Variants in SLC39A9 observed in about 807,000 individuals in gnomAD.
The protein encoded by SLC39A9 is solute carrier family 39 member 9.
Under a neutral mutation model 28.4 loss-of-function variants are expected in SLC39A9, and 14 were observed. That is an observed-to-expected ratio of 0.49 (90% CI 0.33 to 0.77). The LOEUF (loss-of-function observed/expected upper bound fraction) is 0.77. Ranked by LOEUF, SLC39A9 falls within the 30% of genes least tolerant of loss-of-function variation. SLC39A9 has a pLI of 0.02. For synonymous variants in SLC39A9, 119 were observed against 149.6 expected, an observed-to-expected ratio of 0.80 and a Z score of 1.49; for missense variants, 283 against 381.1, an observed-to-expected ratio of 0.74 and a Z score of 2.14.
chr14:69,399,998 C>G (rs1275328799), intron 1 of SLC39A9, among the ~76,000 whole-genome samples: 2 of 152,016 alleles, frequency 1.3e-5, no homozygotes, highest in Non-Finnish European at 2.9e-5. Flanking sequence ...GTGGTTGAGG[C>G]TGCAGTGAGC....
chr14:69,425,198 G>A (rs1884121414), intron 2 of SLC39A9, among the ~76,000 whole-genome samples: 1 of 152,110 alleles, frequency 6.6e-6, no homozygotes, highest in Non-Finnish European at 1.5e-5. Context: ...GAGGGAGGGA[G>A]GAATGATTTA....
At chr14:69,457,450 C>T (rs1885923791) in intron 6 of SLC39A9, among the ~76,000 whole-genome samples, 1 of 152,112 alleles carries the variant, frequency 6.6e-6, no homozygotes, top group Non-Finnish European at 1.5e-5. Flanking sequence ...ATCCGCCCAC[C>T]TTGGCCTCCC....
chr14:69,421,714 A>G (rs1280936046), intron 1 of SLC39A9, among the ~76,000 whole-genome samples: 1 of 152,126 alleles, frequency 6.6e-6, no homozygotes, highest in Non-Finnish European at 1.5e-5. Flanking sequence ...GCAATGGCAG[A>G]CGCCCCTCCC....
intron 2 of SLC39A9, among the ~76,000 whole-genome samples, chr14:69,432,522 A>G (rs1226779619): frequency 1.3e-5 from 2 of 152,046 alleles, no homozygotes; most frequent in South Asian, 4.1e-4. Context: ...TATTCTCTTG[A>G]TAGTTTACTG....
chr14:69,406,703 G>A (rs922210724), intron 1 of SLC39A9, among the ~76,000 whole-genome samples: 7 of 146,708 alleles, frequency 4.8e-5, no homozygotes, highest in South Asian at 4.4e-4. Flanking sequence ...AAAAAAAAAA[G>A]TAGTAGTACT....
In SLC39A9 at chr14:69,461,178, C is replaced by A. The variant is rs967786572; in HGVS notation, c.*2585C>A. On this transcript the variant is annotated 3_prime_UTR_variant, in exon 7 of 7. Transcript: ENST00000336643. ...AAGAGACGCAATTGATGATGAGAAG[C>A]ATGATTCTTGCTTCCATATAACCAA... 151 of 987,292 alleles carry A rather than the reference C, an allele frequency of 1.5e-4. No homozygotes were observed. Among genetic ancestry groups the A allele is most frequent in the Non-Finnish European group, 1.4e-5 (12 of 831,148 alleles). The allele number at this position is 987,292 out of a possible 1,614,324, so 61.2% of individuals were successfully genotyped here. A position where few individuals can be genotyped will look rare whatever the true frequency, so the allele number is the denominator to read the frequency against.
chr14:69,446,779 A>G (rs1885323737), intron 3 of SLC39A9, among the ~76,000 whole-genome samples: 1 of 151,364 alleles, frequency 6.6e-6, no homozygotes, highest in Non-Finnish European at 1.5e-5. Context: ...AAGCTGAGAC[A>G]GGAGAATTGC....
chr14:69,428,450 A>C (rs1006860319), intron 2 of SLC39A9: 7 of 152,446 alleles, frequency 4.6e-5, no homozygotes, highest in Admixed American at 4.6e-4. Flanking sequence ...TAACTAAAGA[A>C]GACCAACAAT....
At chr14:69,431,842 T>C (rs1470418630) in intron 2 of SLC39A9, among the ~76,000 whole-genome samples, 1 of 152,212 alleles carries the variant, frequency 6.6e-6, no homozygotes, top group African/African-American at 2.4e-5. Flanking sequence ...ATTAATTTAC[T>C]TAGGATAATA....
At chr14:69,405,105 A>G (rs1882843777) in intron 1 of SLC39A9, among the ~76,000 whole-genome samples, 1 of 152,206 alleles carries the variant, frequency 6.6e-6, no homozygotes, top group Non-Finnish European at 1.5e-5. Context: ...AAGAACAGCA[A>G]GAACTCACTA....
intron 2 of SLC39A9, among the ~76,000 whole-genome samples, chr14:69,430,085 T>C (rs1044077941): frequency 6.6e-6 from 1 of 152,226 alleles, no homozygotes; most frequent in Non-Finnish European, 1.5e-5. Flanking sequence ...CCTTTATATA[T>C]TCTAGATACA....
chr14:69,450,500 C>T (rs1296576211), intron 3 of SLC39A9, among the ~76,000 whole-genome samples: 2 of 152,022 alleles, frequency 1.3e-5, no homozygotes, highest in African/African-American at 4.8e-5. Context: ...TCAGGCCAGT[C>T]ACAATGGTGC....
chr14:69,451,322 C>T (rs1885600618), intron 3 of SLC39A9, among the ~76,000 whole-genome samples: 1 of 152,206 alleles, frequency 6.6e-6, no homozygotes, highest in South Asian at 2.1e-4. Flanking sequence ...ATTAAATCCC[C>T]TGTAACTTAC....
chr14:69,460,187 T>C lies in SLC39A9; in HGVS notation c.*1594T>C. The C allele has an allele frequency of 3.0e-6, 3 of 985,868 alleles. No homozygotes were observed. The highest frequency in any genetic ancestry group is 4.7e-5 in the South Asian group (1 of 21,288). The allele number at this position is 985,868 out of a possible 1,614,324, so 61.1% of individuals were successfully genotyped here. On this transcript the variant is annotated 3_prime_UTR_variant, in exon 7 of 7. Coordinates refer to ENST00000336643, the MANE Select transcript of SLC39A9 (RefSeq NM_018375.5). ...ACCAAGACTAGTTTCTTCAGGGCAG[T>C]GGACGTAGTAGTTTGTAAAAACGTT...
At chr14:69,451,101 A>G (rs1885589211) in intron 3 of SLC39A9, among the ~76,000 whole-genome samples, 1 of 152,268 alleles carries the variant, frequency 6.6e-6, no homozygotes. Context: ...GGCCAGAGCC[A>G]GCTTGCACAC....
intron 3 of SLC39A9, among the ~76,000 whole-genome samples, chr14:69,447,930 A>AG (rs1289609778): frequency 1.3e-5 from 2 of 149,982 alleles, no homozygotes; most frequent in Non-Finnish European, 3.0e-5. Context: ...AAAAAAAAAA[A>AG]GTGATGGGGC....
At chr14:69,421,047 C>G (rs1392363685) in intron 1 of SLC39A9, among the ~76,000 whole-genome samples, 1 of 152,238 alleles carries the variant, frequency 6.6e-6, no homozygotes, top group Admixed American at 6.5e-5. Context: ...TGGCGAGGAG[C>G]TGCAGTCCTT....
At chr14:69,447,088 C>T (rs1001910625) in intron 3 of SLC39A9, among the ~76,000 whole-genome samples, 6 of 151,970 alleles carry the variant, frequency 3.9e-5, no homozygotes, top group African/African-American at 7.3e-5. Context: ...GGCTCAGGCA[C>T]GCATCATCAA....
rs938564846 is a variant in SLC39A9 at position 69,459,155 on chromosome 14, A to T, written c.*562A>T. 11 of 986,050 alleles carry T rather than the reference A, an allele frequency of 1.1e-5. No homozygotes were observed. The highest frequency in any genetic ancestry group is 1.3e-5 in the Non-Finnish European group (11 of 830,184). 61.1% of individuals were successfully genotyped at this position (986,050 alleles called of 1,614,324 possible). ...GATTAGGGTCAGGAAAATGATAGCA[A>T]GACACATTGAAAGCTCTCTTTATAC... On this transcript the variant is annotated 3_prime_UTR_variant, in exon 7 of 7. Transcript: ENST00000336643.
Sources: gnomAD v4.1 joint callset for allele counts (sites outside exome capture counted in the v4.1 genomes callset) on GRCh38, gnomAD v4.1.1 for gene constraint, MANE v1.5 for transcripts, NCBI Gene and HGNC (gene_info 2026-07-23, HGNC 2026-07-21) for gene names.